Variants in ZNF274 observed in about 807,000 individuals in gnomAD.
The protein encoded by ZNF274 is zinc finger protein 274, also known as neurotrophin receptor-interacting factor homolog.
Under a neutral mutation model 42.5 loss-of-function variants are expected in ZNF274, and 23 were observed. The ratio of observed to expected loss-of-function variants is 0.54; its 90% CI spans 0.39 to 0.77. ZNF274 has a LOEUF of 0.77. Ranked by LOEUF, ZNF274 falls within the 30% of genes least tolerant of loss-of-function variation. ZNF274 has a pLI of 0.00. For synonymous variants in ZNF274, 292 were observed against 305.4 expected (o/e 0.96, Z 0.46); for missense variants, 679 against 806.5 (o/e 0.84, Z 1.91).
At chr19:58,193,480 C>T (rs1399645276) in intron 4 of ZNF274, among the ~76,000 whole-genome samples, 16 of 120,984 alleles carry the variant, frequency 1.3e-4, no homozygotes, top group Admixed American at 2.0e-4. Context: ...TGGAGAGTCT[C>T]GCTCTGTCAT....
intron 4 of ZNF274, among the ~76,000 whole-genome samples, chr19:58,196,318 T>G (rs908040199): frequency 1.3e-5 from 2 of 152,174 alleles, no homozygotes; most frequent in Non-Finnish European, 2.9e-5. Flanking sequence ...TGCAGCACTT[T>G]GAGAGGCCAA....
rs571509174 is a variant in ZNF274, at chr19:58,189,204, C to T, written c.256+2162C>T. On this transcript the variant is annotated intron_variant, in intron 4 of 7. Coordinates refer to ENST00000617501, the MANE Select transcript of ZNF274 (RefSeq NM_133502.3). ...CATATCCCAGACCATATATTGTCTA[C>T]CTTTATGTAGTCTCTATACAGAAGT... 1.4e-4 allele frequency among the ~76,000 whole-genome samples: 21 copies of T among 152,104 alleles called. 1 individual carries two copies. In the South Asian group the frequency reaches 4.4e-3, roughly 32 times the overall value.
intron 4 of ZNF274, among the ~76,000 whole-genome samples, chr19:58,203,065 A>G (rs1157109926): frequency 1.3e-5 from 2 of 152,348 alleles, no homozygotes; most frequent in East Asian, 1.9e-4. Context: ...GAATACAAAA[A>G]TGAAATTTTA....
At position 58,212,976 on chromosome 19, in the gene ZNF274, G is replaced by C; in HGVS notation, c.1795G>C (p.Ala599Pro). 1.2e-6 allele frequency: 2 copies of C among 1,614,050 alleles called. No individual in the cohort carries two copies. The highest frequency in any genetic ancestry group is 1.7e-6 in the Non-Finnish European group (2 of 1,179,908). ...KPYKCQDCGKAFRQSSHLIRH... is the reference protein window; with the variant it reads ...KPYKCQDCGKPFRQSSHLIRH... ...CTACAAGTGTCAGGACTGTGGAAAA[G>C]CCTTCCGCCAGAGCTCCCACCTCAT... is the stretch of plus-strand genomic sequence containing the variant. The change falls in exon 8 of 8, where the codon GCC becomes CCC. Residue 599 changes from alanine (A) to proline (P), a missense_variant. Ala to Pro is a conservative substitution (Grantham distance 27). Coordinates refer to ENST00000617501, the MANE Select transcript of ZNF274 (RefSeq NM_133502.3). This position sits in a 1 kb window ranked among gnomAD's most constrained non-coding sequence, Gnocchi z 4.6.
At chr19:58,195,996 G>C (rs2075837902) in intron 4 of ZNF274, among the ~76,000 whole-genome samples, 1 of 152,166 alleles carries the variant, frequency 6.6e-6, no homozygotes, top group Non-Finnish European at 1.5e-5. Flanking sequence ...ACAAATGCTA[G>C]GACAAATGGC....
At chr19:58,192,099 G>A (rs1052719404) in intron 4 of ZNF274, among the ~76,000 whole-genome samples, 2 of 152,316 alleles carry the variant, frequency 1.3e-5, no homozygotes, top group South Asian at 2.1e-4. Flanking sequence ...AAATAAGTCC[G>A]TGGACATATA....
At chr19:58,194,628 A>G (rs2075818432) in intron 4 of ZNF274, among the ~76,000 whole-genome samples, 1 of 150,836 alleles carries the variant, frequency 6.6e-6, no homozygotes, top group African/African-American at 2.4e-5. Flanking sequence ...TGATCCTCCC[A>G]CCTGGGCCTC....
Position 58,183,162 on chromosome 19 carries a change from C to G in ZNF274, c.-326C>G, listed in dbSNP as rs1456337783. 1 of 152,424 alleles carries G rather than the reference C, an allele frequency of 6.6e-6. No homozygotes were observed. The highest frequency in any genetic ancestry group is 1.9e-4 in the East Asian group (1 of 5,184). The allele number at this position is 152,424 out of a possible 1,614,324, so 9.4% of individuals were successfully genotyped here. On this transcript the variant is annotated 5_prime_UTR_variant, in exon 1 of 8. Coordinates refer to ENST00000617501, the MANE Select transcript of ZNF274 (RefSeq NM_133502.3). ...CCTTCGTGGCAGGGCACGACTCTCT[C>G]CCAGCTCGGGTCGCCGCCCACATTA...
At chr19:58,205,171 T>C (rs2075967391) in intron 4 of ZNF274, among the ~76,000 whole-genome samples, 1 of 152,198 alleles carries the variant, frequency 6.6e-6, no homozygotes, top group Non-Finnish European at 1.5e-5. Flanking sequence ...CTGTGGTTCC[T>C]TGCTGTGGCT....
chr19:58,184,213 G>C, intron 2 of ZNF274: 1 of 573,072 alleles, frequency 1.7e-6, no homozygotes. Flanking sequence ...CCAGATTGTA[G>C]GGGCTTCTGA....
chr19:58,197,320 C>T (rs935112011), intron 4 of ZNF274, among the ~76,000 whole-genome samples: 23 of 152,130 alleles, frequency 1.5e-4, no homozygotes, highest in Non-Finnish European at 2.5e-4. Context: ...TAACTCTCAC[C>T]TTATGTGACA....
chr19:58,203,593 A>AG (rs1028163655), intron 4 of ZNF274, among the ~76,000 whole-genome samples: 36 of 152,008 alleles, frequency 2.4e-4, no homozygotes, highest in African/African-American at 8.2e-4. Flanking sequence ...AAAAAAAAAA[A>AG]AAAGAAAAAA....
chr19:58,187,046 A>G lies in ZNF274; in HGVS notation c.256+4A>G. The G allele has an allele frequency of 6.2e-7, 1 of 1,609,640 alleles. No individual in the cohort carries two copies. Among genetic ancestry groups the G allele is most frequent in the Non-Finnish European group, 8.5e-7 (1 of 1,177,844 alleles). The stretch of plus-strand genomic sequence containing the variant: ...ATTCCTCAAGACACCATTCCAGGTG[A>G]GAACCAGACATGGGAAGCCCCCACA... On this transcript the variant is annotated splice_donor_region_variant and intron_variant, in intron 4 of 7. Transcript: ENST00000617501.
chr19:58,204,568 TGCTTCCGCCCGA>T (rs902289438), intron 4 of ZNF274, among the ~76,000 whole-genome samples: 13 of 152,130 alleles, frequency 8.5e-5, no homozygotes, highest in African/African-American at 2.9e-4. Flanking sequence ...CTCTGAAAGA[TGCTTCCGCCCGA>T]GCTTTTTTAT....
At chr19:58,209,141 C>T (rs1489551518) in intron 5 of ZNF274, 2 of 152,254 alleles carry the variant, frequency 1.3e-5, no homozygotes, top group East Asian at 3.8e-4. Context: ...CTCATTCTTA[C>T]CTCTTCTGCC....
chr19:58,183,865 G>T, intron 1 of ZNF274, 56 bp from the exon 2 acceptor site: 4 of 1,227,970 alleles, frequency 3.3e-6, no homozygotes, highest in Non-Finnish European at 4.6e-6. Flanking sequence ...GGCTGCGGTA[G>T]CTCCCCAGCG....
intron 2 of ZNF274, among the ~76,000 whole-genome samples, chr19:58,185,285 A>G (rs1319979802): frequency 7.2e-6 from 1 of 139,282 alleles, no homozygotes; most frequent in Non-Finnish European, 1.6e-5. Flanking sequence ...TTAGCCGGGC[A>G]TGGTGGTATG....
chr19:58,189,979 T>G lies in ZNF274; in HGVS notation c.256+2937T>G, dbSNP rs377466797. Among the ~76,000 whole-genome samples the G allele has an allele frequency of 2.8e-4, 42 of 151,816 alleles. 1 individual carries two copies. In the East Asian group the frequency reaches 5.7e-3, roughly 21 times the overall value. On this transcript the variant is annotated intron_variant, in intron 4 of 7. Transcript: ENST00000617501. ...CTCTGCTAAAAATACAAAAATTAGC[T>G]GGGCGTGGTGGTTCGCACCTGTAAT...
Position 58,212,706 on chromosome 19 carries a change from T to C in ZNF274, c.1525T>C (p.Cys509Arg). ...RIHKGSQVCRCSECGKIFRNP... is the reference protein window; with the variant it reads ...RIHKGSQVCRRSECGKIFRNP... ...TCACAAGGGGAGCCAAGTTTGCCGATGCAGTGAATGTGGTAAAATATTCCG... is the reference window on the plus strand; with the variant it reads ...TCACAAGGGGAGCCAAGTTTGCCGACGCAGTGAATGTGGTAAAATATTCCG... Residue 509 changes from cysteine (C) to arginine (R), a missense_variant, in exon 8 of 8, where the codon TGC (cysteine) becomes CGC (arginine). Around this residue, in one of 2 missense-constraint regions of ZNF274, gnomAD observed 456 missense variants for 590.1 expected, o/e 0.77. Transcript: ENST00000617501. This position sits in a 1 kb window ranked among gnomAD's most constrained non-coding sequence, Gnocchi z 4.6. The C allele has an allele frequency of 6.2e-7, 1 of 1,614,016 alleles. No homozygotes were observed. The highest frequency in any genetic ancestry group is 2.2e-5 in the East Asian group (1 of 44,892).
Sources: allele counts gnomAD v4.1 joint callset (sites outside exome capture counted in the v4.1 genomes callset), GRCh38; gene constraint gnomAD v4.1.1; regional missense constraint gnomAD v4.1.1; non-coding constraint Gnocchi (gnomAD v3.1); transcripts MANE v1.5; gene names NCBI Gene and HGNC (gene_info 2026-07-23, HGNC 2026-07-21).